Variants in PCDHGB7 observed in about 807,000 individuals in gnomAD.
The protein encoded by PCDHGB7 is protocadherin gamma-B7.
PCDHGB7 carries 37 observed loss-of-function variants against 61.4 expected under a neutral mutation model. The observed-to-expected ratio is 0.60, with a 90% confidence interval of 0.46 to 0.79. PCDHGB7 has a LOEUF of 0.79. Ranked by LOEUF, PCDHGB7 falls within the 30% of genes least tolerant of loss-of-function variation. PCDHGB7 has a pLI of 0.00. For missense variants in PCDHGB7, 1,166 were observed against 1,202.5 expected (o/e 0.97, Z 0.45); for synonymous variants, 464 against 503.5 (o/e 0.92, Z 1.05).
chr5:141,479,453 A>G (rs994349416), intron 1 of PCDHGB7: 1 of 152,266 alleles, frequency 6.6e-6, no homozygotes, highest in Non-Finnish European at 1.5e-5. Context: ...TAAGTTCAGC[A>G]TGAATACAGT....
Position 141,489,273 on chromosome 5 carries a change from G to GA in PCDHGB7, c.2416-5531dup. The GA allele has an allele frequency of 6.4e-7, 1 of 1,555,870 alleles. No individual in the cohort carries two copies. The highest frequency in any genetic ancestry group is 2.2e-5 in the East Asian group (1 of 44,466). On this transcript the variant is annotated intron_variant, in intron 1 of 3. Coordinates refer to ENST00000398594, the MANE Select transcript of PCDHGB7 (RefSeq NM_018927.4). The surrounding 1 kb of genome is among the most constrained non-coding windows in gnomAD (Gnocchi z 4.5). ...CCAAGACACTCCCACAGCTCGCTGG[G>GA]AAATGGCAAGTGCTGTGCATGTTGT...
At chr5:141,452,354 G>C (rs2154563893) in intron 1 of PCDHGB7, among the ~76,000 whole-genome samples, 1 of 152,240 alleles carries the variant, frequency 6.6e-6, no homozygotes, top group Non-Finnish European at 1.5e-5. Flanking sequence ...TTATCCAAAA[G>C]CCTTGCTTCA....
intron 2 of PCDHGB7, among the ~76,000 whole-genome samples, chr5:141,499,115 C>G (rs940275925): frequency 6.6e-6 from 1 of 152,124 alleles, no homozygotes; most frequent in Non-Finnish European, 1.5e-5. Flanking sequence ...CACCACTATC[C>G]CTTCTCAGGT....
rs1028782991 is a variant in PCDHGB7, at chr5:141,503,926, C to T, written c.2475-1467C>T. 2.6e-5 allele frequency among the ~76,000 whole-genome samples: 4 copies of T among 152,196 alleles called. No individual in the cohort carries two copies. The East Asian group carries it at 7.7e-4, about 29-fold the overall frequency. ...ACACACAACGCAACACACACACAGA[C>T]ATTTTCATGCCTTCAAGGCCTACCC... On this transcript the variant is annotated intron_variant, in intron 2 of 3. Coordinates refer to ENST00000398594, the MANE Select transcript of PCDHGB7 (RefSeq NM_018927.4).
At chr5:141,430,873 G>C (rs2097319709) in intron 1 of PCDHGB7, 1 of 1,598,842 alleles carries the variant, frequency 6.3e-7, no homozygotes, top group African/African-American at 1.3e-5. Flanking sequence ...TTCCGGAAGA[G>C]CTGGAGAAAG....
At position 141,487,578 on chromosome 5, in the gene PCDHGB7, C is replaced by T. The variant is rs1293087014; in HGVS notation, c.2416-7229C>T. The T allele has an allele frequency of 1.2e-6, 2 of 1,614,052 alleles. No individual in the cohort carries two copies. Among genetic ancestry groups the T allele is most frequent in the Non-Finnish European group, 1.7e-6 (2 of 1,180,044 alleles). ...CCTATGGCAGGGGAGCCTGTTCGCC[C>T]AAGCTGCCCACCCTCTGATCTTCTC... On this transcript the variant is annotated intron_variant, in intron 1 of 3. Coordinates refer to ENST00000398594, the MANE Select transcript of PCDHGB7 (RefSeq NM_018927.4). The surrounding 1 kb of genome is among the most constrained non-coding windows in gnomAD (Gnocchi z 5.0).
chr5:141,463,208 C>G (rs895284460), intron 1 of PCDHGB7, among the ~76,000 whole-genome samples: 1 of 152,090 alleles, frequency 6.6e-6, no homozygotes, highest in African/African-American at 2.4e-5. Flanking sequence ...CTTGGGGATC[C>G]ATATTAATAT....
chr5:141,471,747 T>A (rs2099263878), intron 1 of PCDHGB7, among the ~76,000 whole-genome samples: 1 of 152,200 alleles, frequency 6.6e-6, no homozygotes, highest in African/African-American at 2.4e-5. Context: ...ACATAACATA[T>A]TTGAGGGTGT....
intron 1 of PCDHGB7, chr5:141,441,529 A>C (rs1042479748): frequency 4.6e-5 from 8 of 172,366 alleles, no homozygotes; most frequent in African/African-American, 1.9e-4. Flanking sequence ...GGCCAAGAAC[A>C]ATCTTCCCAA....
In PCDHGB7 at chr5:141,418,933, G is replaced by A; in HGVS notation, c.1074G>A (p.Glu358=). 2 of 1,614,010 alleles carry A rather than the reference G, an allele frequency of 1.2e-6. No homozygotes were observed. The highest frequency in any genetic ancestry group is 1.7e-6 in the Non-Finnish European group (2 of 1,179,868). ...CGTCACTCTCTGATCAGATTATGGA[G>A]GATTCCCCTCCAGGAGTGGTTGTTG... ...IITSLSDQIM[E]DSPPGVVVAL... The change falls in exon 1 of 4, where the codon GAG becomes GAA. Residue 358 remains glutamate (E), a synonymous_variant. Transcript: ENST00000398594.
chr5:141,500,688 T>C (rs2099802014), intron 2 of PCDHGB7, among the ~76,000 whole-genome samples: 1 of 152,224 alleles, frequency 6.6e-6, no homozygotes, highest in Non-Finnish European at 1.5e-5. Flanking sequence ...TATAGCTTTT[T>C]TCTTCTTTGC....
chr5:141,492,106 C>T (rs1265796740), intron 1 of PCDHGB7, among the ~76,000 whole-genome samples: 2 of 152,238 alleles, frequency 1.3e-5, no homozygotes, highest in South Asian at 2.1e-4. Flanking sequence ...TGTAGATTTC[C>T]TCTTCGATTT....
In PCDHGB7 at chr5:141,486,680, T is replaced by A; in HGVS notation, c.2416-8127T>A. The A allele has an allele frequency of 6.2e-7, 1 of 1,614,102 alleles. No homozygotes were observed. Among genetic ancestry groups the A allele is most frequent in the Non-Finnish European group, 8.5e-7 (1 of 1,180,018 alleles). ...CCTGGAGCCCAGGAATCGAGATGTA[T>A]CAGCTTCCTCTTTCATCTCTCTGAA... is the stretch of plus-strand genomic sequence containing the variant. On this transcript the variant is annotated intron_variant, in intron 1 of 3. Coordinates refer to ENST00000398594, the MANE Select transcript of PCDHGB7 (RefSeq NM_018927.4). This position sits in a 1 kb window ranked among gnomAD's most constrained non-coding sequence, Gnocchi z 5.0.
rs1457243337 is a variant in PCDHGB7 at position 141,493,567 on chromosome 5, C to T, written c.2416-1240C>T. Reference sequence around the variant, plus strand: ...TTTGGAGATTGAGTTCCCCCAGCTCCGTTTCCTCCTATCACAATCACTGCA... The same window carrying T: ...TTTGGAGATTGAGTTCCCCCAGCTCTGTTTCCTCCTATCACAATCACTGCA... On this transcript the variant is annotated intron_variant, in intron 1 of 3. Transcript: ENST00000398594. This position sits in a 1 kb window ranked among gnomAD's most constrained non-coding sequence, Gnocchi z 4.3. Among the ~76,000 whole-genome samples, 3 of 152,266 alleles carry T rather than the reference C, an allele frequency of 2.0e-5. No individual in the cohort carries two copies. The highest frequency in any genetic ancestry group is 4.4e-5 in the Non-Finnish European group (3 of 68,018).
At chr5:141,472,323 C>T (rs980684595) in intron 1 of PCDHGB7, among the ~76,000 whole-genome samples, 4 of 151,498 alleles carry the variant, frequency 2.6e-5, no homozygotes, top group East Asian at 2.0e-4. Flanking sequence ...AGGCAGATCA[C>T]GAGGTTGGGA....
At chr5:141,506,636 C>T (rs1421676205) in intron 3 of PCDHGB7, among the ~76,000 whole-genome samples, 2 of 152,020 alleles carry the variant, frequency 1.3e-5, no homozygotes, top group South Asian at 2.1e-4. Context: ...AATGCAAGTC[C>T]CTCAGCACAG....
intron 1 of PCDHGB7, chr5:141,426,591 A>G: frequency 1.4e-5 from 5 of 369,676 alleles, no homozygotes; most frequent in South Asian, 7.9e-5. Context: ...CCTCTGTGTC[A>G]TACCCTTAGA....
At chr5:141,421,964 C>A (rs772274014) in intron 1 of PCDHGB7, 3 of 1,611,350 alleles carry the variant, frequency 1.9e-6, no homozygotes, top group Non-Finnish European at 2.5e-6. Flanking sequence ...TTTACACAGT[C>A]CGTATATCGC....
At chr5:141,451,124 A>T (rs2098707796) in intron 1 of PCDHGB7, among the ~76,000 whole-genome samples, 1 of 152,102 alleles carries the variant, frequency 6.6e-6, no homozygotes, top group Non-Finnish European at 1.5e-5. Context: ...CACCACACCC[A>T]GCCTTATGAT....
Sources: allele counts gnomAD v4.1 joint callset (sites outside exome capture counted in the v4.1 genomes callset), GRCh38; gene constraint gnomAD v4.1.1; non-coding constraint Gnocchi (gnomAD v3.1); transcripts MANE v1.5; gene names NCBI Gene and HGNC (gene_info 2026-07-23, HGNC 2026-07-21).